DOCK1: variants seen among roughly 807,000 people sequenced by gnomAD.
DOCK1 encodes dedicator of cytokinesis protein 1.
In DOCK1, 138 loss-of-function variants were observed where a neutral mutation model predicts 262.7. That is an observed-to-expected ratio of 0.53 (90% confidence interval 0.46 to 0.61). The LOEUF is 0.61. DOCK1 is among the 20% of genes least tolerant of loss of function. The probability of loss-of-function intolerance (pLI) is 0.00; values close to 1 mark genes in which losing one functional copy is unlikely to be tolerated. For synonymous variants in DOCK1, 866 were observed against 867.4 expected, an observed-to-expected ratio of 1.00 and a Z score of 0.03; for missense variants, 1,908 against 2,370.7, an observed-to-expected ratio of 0.80 and a Z score of 4.05.
At position 126,995,852 on chromosome 10, in the gene DOCK1, G is replaced by A. The variant is rs968668351; in HGVS notation, c.474-896G>A. On this transcript the variant is annotated intron_variant, in intron 6 of 51. Coordinates refer to ENST00000623213, the MANE Select transcript of DOCK1 (RefSeq NM_001290223.2). The surrounding 1 kb of genome is among the most constrained non-coding windows in gnomAD (Gnocchi z 5.8). ...TCACATACAATAGAACATCTGTATT[G>A]AAAATCTTCCTGTGGCCTCATGTAA... 2.0e-5 allele frequency among the ~76,000 whole-genome samples: 3 copies of A among 152,188 alleles called. No individual in the cohort carries two copies. Among genetic ancestry groups the A allele is most frequent in the African/African-American group, 7.2e-5 (3 of 41,454 alleles).
chr10:127,015,718 C>T (rs1266872744), intron 12 of DOCK1, among the ~76,000 whole-genome samples: 1 of 152,212 alleles, frequency 6.6e-6, no homozygotes, highest in South Asian at 2.1e-4. Context: ...GTGGCATTCA[C>T]GTCCTGCCAG....
intron 18 of DOCK1, among the ~76,000 whole-genome samples, chr10:127,036,139 G>T (rs936182705): frequency 6.6e-6 from 1 of 152,130 alleles, no homozygotes; most frequent in Non-Finnish European, 1.5e-5. Flanking sequence ...CTTTCTACAC[G>T]TCATGTCAGT....
chr10:127,384,447 G>T (rs1233037762), intron 37 of DOCK1, among the ~76,000 whole-genome samples: 1 of 152,216 alleles, frequency 6.6e-6, no homozygotes, highest in East Asian at 1.9e-4. Flanking sequence ...TGAGACCAGA[G>T]CCCTGGGGTG....
At chr10:127,390,903 T>C (rs951340236) in intron 38 of DOCK1, among the ~76,000 whole-genome samples, 1 of 152,094 alleles carries the variant, frequency 6.6e-6, no homozygotes, top group Admixed American at 6.5e-5. Context: ...GTGGCTCCTA[T>C]TGGACGGTGG....
At chr10:127,343,358 T>C (rs1002916925) in intron 30 of DOCK1, among the ~76,000 whole-genome samples, 1 of 152,212 alleles carries the variant, frequency 6.6e-6, no homozygotes, top group African/African-American at 2.4e-5. Flanking sequence ...ATAGATACTC[T>C]TGAAATTCAC....
intron 12 of DOCK1, chr10:127,014,803 G>T (rs3740014): frequency 0.4 from 61,445 of 152,126 alleles, 12,680 homozygotes; most frequent in African/African-American, 0.48. Flanking sequence ...CGGAGGCCAG[G>T]GCTGGGGGTT....
chr10:127,281,720 G>A (rs924003362), intron 29 of DOCK1, among the ~76,000 whole-genome samples: 2 of 152,174 alleles, frequency 1.3e-5, no homozygotes, highest in African/African-American at 4.8e-5. Context: ...TGTGCTCATG[G>A]ACTCTGATCT....
chr10:127,324,024 G>T (rs900242077), intron 29 of DOCK1, among the ~76,000 whole-genome samples: 1 of 152,216 alleles, frequency 6.6e-6, no homozygotes, highest in Non-Finnish European at 1.5e-5. Flanking sequence ...TCTTGAGGAG[G>T]GGGAGCGGTG....
chr10:127,373,824 G>C lies in DOCK1; in HGVS notation c.3476G>C (p.Gly1159Ala). 1 of 1,611,698 alleles carries C rather than the reference G, an allele frequency of 6.2e-7. No homozygotes were observed. Among genetic ancestry groups the C allele is most frequent in the South Asian group, 1.1e-5 (1 of 90,202 alleles). Reference protein sequence around the residue: ...IITKLDHEVEGGRGDEQYKVL... With the variant: ...IITKLDHEVEAGRGDEQYKVL... ...ACCAAGCTGGATCATGAAGTCGAAG[G>C]AGGCAGAGGAGACGAACAGTACAAA... is the stretch of plus-strand genomic sequence containing the variant. The change falls in exon 34 of 52, where the codon GGA (glycine) becomes GCA (alanine). Residue 1159 changes from glycine to alanine, a missense_variant. This residue lies in a region of DOCK1 where 518 missense variants were observed against 575.1 expected (regional missense o/e 0.90). Coordinates refer to ENST00000623213, the MANE Select transcript of DOCK1 (RefSeq NM_001290223.2).
chr10:127,005,875 C>G (rs575096043), intron 10 of DOCK1, among the ~76,000 whole-genome samples: 1 of 151,194 alleles, frequency 6.6e-6, no homozygotes, highest in East Asian at 1.9e-4. Context: ...CATTTTTAGG[C>G]GTGCAGTTCA....
chr10:127,198,027 C>T (rs2057294059), intron 27 of DOCK1, among the ~76,000 whole-genome samples: 1 of 152,114 alleles, frequency 6.6e-6, no homozygotes, highest in Non-Finnish European at 1.5e-5. Flanking sequence ...CAAACTCTGC[C>T]CACCTCACTC....
At chr10:127,318,765 T>C (rs1351216693) in intron 29 of DOCK1, among the ~76,000 whole-genome samples, 1 of 152,208 alleles carries the variant, frequency 6.6e-6, no homozygotes, top group Non-Finnish European at 1.5e-5. Context: ...GAGTTTGCCT[T>C]CTACTTAGGC....
intron 2 of DOCK1, among the ~76,000 whole-genome samples, chr10:126,976,303 A>C (rs1403230688): frequency 1.3e-5 from 2 of 152,172 alleles, no homozygotes; most frequent in African/African-American, 4.8e-5. Flanking sequence ...AGGTTCCCCC[A>C]ATCAGTCTGT....
At chr10:127,112,424 T>C (rs1234124676) in intron 25 of DOCK1, among the ~76,000 whole-genome samples, 1 of 152,240 alleles carries the variant, frequency 6.6e-6, no homozygotes, top group Non-Finnish European at 1.5e-5. Flanking sequence ...TTTGTAATTG[T>C]GTTCTGTCCC....
intron 23 of DOCK1, among the ~76,000 whole-genome samples, chr10:127,064,648 C>T (rs567447583): frequency 4.6e-5 from 7 of 152,314 alleles, no homozygotes; most frequent in South Asian, 2.1e-4. Flanking sequence ...GCTCCCCAGG[C>T]GCCCGCCGTG....
intron 23 of DOCK1, among the ~76,000 whole-genome samples, chr10:127,071,525 C>T (rs924208270): frequency 4.6e-5 from 7 of 152,180 alleles, no homozygotes. Context: ...GGTTTTCTTC[C>T]AATTCTAGTG....
rs938620027 is a variant in DOCK1, at chr10:126,950,742, G to T, written c.47-19960G>T. Among the ~76,000 whole-genome samples, 95 of 152,192 alleles carry T rather than the reference G, an allele frequency of 6.2e-4. 4 individuals carry two copies. In the South Asian group the frequency reaches 0.019, roughly 31 times the overall value. ...CAGAGTCTTTGTGTGCAGAAATGGGGTTTTTGTTAGCCCCACTTCATAGGG... is the reference window on the plus strand; with the variant it reads ...CAGAGTCTTTGTGTGCAGAAATGGGTTTTTTGTTAGCCCCACTTCATAGGG... On this transcript the variant is annotated intron_variant, in intron 1 of 51. Coordinates refer to ENST00000623213, the MANE Select transcript of DOCK1 (RefSeq NM_001290223.2).
intron 1 of DOCK1, among the ~76,000 whole-genome samples, chr10:126,925,717 G>T (rs1216747163): frequency 7.0e-6 from 1 of 141,900 alleles, no homozygotes; most frequent in Non-Finnish European, 1.5e-5. Context: ...CACACACATT[G>T]CAGAGTCTGT....
At chr10:126,917,743 C>G (rs180893110) in intron 1 of DOCK1, among the ~76,000 whole-genome samples, 2 of 152,220 alleles carry the variant, frequency 1.3e-5, no homozygotes, top group African/African-American at 2.4e-5. Flanking sequence ...TCCTTAGGGC[C>G]TGGGAGCCCT....
Sources: allele counts gnomAD v4.1 joint callset (sites outside exome capture counted in the v4.1 genomes callset), GRCh38; gene constraint gnomAD v4.1.1; regional missense constraint gnomAD v4.1.1; non-coding constraint Gnocchi (gnomAD v3.1); transcripts MANE v1.5; gene names NCBI Gene and HGNC (gene_info 2026-07-23, HGNC 2026-07-21).